CDKN2B-AS1: variants seen among roughly 807,000 people sequenced by gnomAD.
The protein encoded by CDKN2B-AS1 is CDKN2B and CDKN2A antisense cis and trans regulatory RNA 1.
intron 4 of CDKN2B-AS1, among the ~76,000 whole-genome samples, chr9:22,085,490 G>A (rs185420696): frequency 6.6e-6 from 1 of 152,262 alleles, no homozygotes; most frequent in South Asian, 2.1e-4. Flanking sequence ...GGAGGCTGAG[G>A]CGGGCGGATC....
chr9:22,043,890 C>T (rs1823001879), intron 1 of CDKN2B-AS1, among the ~76,000 whole-genome samples: 1 of 151,850 alleles, frequency 6.6e-6, no homozygotes. Context: ...ACATATCATG[C>T]TTTGGGAAAC....
chr9:22,018,994 T>A (rs897414399), intron 1 of CDKN2B-AS1, among the ~76,000 whole-genome samples: 13 of 152,166 alleles, frequency 8.5e-5, no homozygotes, highest in African/African-American at 3.1e-4. Context: ...TATAGAAAAT[T>A]AACTAATCAA....
chr9:22,004,157 A>G (rs973788207), intron 1 of CDKN2B-AS1: 5 of 232,374 alleles, frequency 2.2e-5, no homozygotes, highest in African/African-American at 1.1e-4. Flanking sequence ...TGTGTCAATA[A>G]ACATATCCTT....
Position 22,060,544 on chromosome 9 carries a change from C to T in CDKN2B-AS1, n.438+4157C>T, listed in dbSNP as rs1235498781. On this transcript the variant is annotated intron_variant and non_coding_transcript_variant, in intron 4 of 4. Coordinates refer to ENST00000650946, the Ensembl canonical transcript of CDKN2B-AS1. ...AAGCATTCCCACATTTTCCTTTCTT[C>T]TTCTGAGCCTTTCAAACTGTTCCAG... is the stretch of plus-strand genomic sequence containing the variant. Among the ~76,000 whole-genome samples the T allele has an allele frequency of 5.9e-5, 9 of 152,326 alleles. No homozygotes were observed. In the East Asian group the frequency reaches 1.5e-3, roughly 26 times the overall value.
intron 4 of CDKN2B-AS1, chr9:22,064,129 C>T (rs1211305350): frequency 6.6e-6 from 1 of 152,110 alleles, no homozygotes; most frequent in Non-Finnish European, 1.5e-5. Flanking sequence ...GGATTGCCCA[C>T]TAAGACACTG....
At position 22,000,562 on chromosome 9, in the gene CDKN2B-AS1, G is replaced by A. The variant is rs535042400; in HGVS notation, n.29+5401G>A. Among the ~76,000 whole-genome samples, 16 of 152,202 alleles carry A rather than the reference G, an allele frequency of 1.1e-4. 1 individual carries two copies. The highest frequency in any genetic ancestry group is 3.6e-4 in the African/African-American group (15 of 41,570). On this transcript the variant is annotated intron_variant and non_coding_transcript_variant, in intron 1 of 4. Transcript: ENST00000650946. The surrounding 1 kb of genome is among the most constrained non-coding windows in gnomAD (Gnocchi z 4.1). ...GGTGCCTCTGTGCCCTAGGAAAGGT[G>A]ATAGAGCTTAGAAACTCAGAACTCA...
chr9:22,126,346 G>A (rs1818022908), intron 4 of CDKN2B-AS1, among the ~76,000 whole-genome samples: 1 of 152,110 alleles, frequency 6.6e-6, no homozygotes, highest in African/African-American at 2.4e-5. Flanking sequence ...TATCATAGGT[G>A]AGAAAATAAT....
chr9:22,020,291 T>A (rs1237698511), intron 1 of CDKN2B-AS1, among the ~76,000 whole-genome samples: 1 of 152,232 alleles, frequency 6.6e-6, no homozygotes, highest in Non-Finnish European at 1.5e-5. Context: ...GGCATTTATG[T>A]TGATTCAATT....
intron 1 of CDKN2B-AS1, among the ~76,000 whole-genome samples, chr9:22,024,563 C>T (rs1822152189): frequency 6.6e-6 from 1 of 152,152 alleles, no homozygotes; most frequent in African/African-American, 2.4e-5. Context: ...TGGGAGGATC[C>T]TCTGTTCTCC....
intron 4 of CDKN2B-AS1, among the ~76,000 whole-genome samples, chr9:22,067,760 G>C (rs1469660314): frequency 6.6e-6 from 1 of 152,132 alleles, no homozygotes; most frequent in African/African-American, 2.4e-5. Flanking sequence ...AGCCTAAAGT[G>C]TTTTCATAAA....
At chr9:22,069,713 T>G (rs1824210466) in intron 4 of CDKN2B-AS1, among the ~76,000 whole-genome samples, 1 of 152,198 alleles carries the variant, frequency 6.6e-6, no homozygotes, top group Non-Finnish European at 1.5e-5. Context: ...TATCAATACC[T>G]TACTGTTAAT....
At chr9:22,009,005 A>T (rs993646279) in intron 1 of CDKN2B-AS1, 2 of 1,611,188 alleles carry the variant, frequency 1.2e-6, no homozygotes, top group Non-Finnish European at 1.7e-6. Flanking sequence ...TTGGCCGTAA[A>T]CTTAACGACA....
At chr9:22,116,054 A>G (rs1825941446) in intron 4 of CDKN2B-AS1, among the ~76,000 whole-genome samples, 1 of 152,206 alleles carries the variant, frequency 6.6e-6, no homozygotes, top group South Asian at 2.1e-4. Flanking sequence ...TGTATGCTCA[A>G]CATTCTCTTA....
chr9:22,096,029 C>T (rs1004178909), intron 4 of CDKN2B-AS1, among the ~76,000 whole-genome samples: 10 of 152,014 alleles, frequency 6.6e-5, no homozygotes, highest in Admixed American at 2.6e-4. Flanking sequence ...GCTTCTCCCC[C>T]GTGGGTCAAA....
intron 1 of CDKN2B-AS1, among the ~76,000 whole-genome samples, chr9:22,045,754 C>T (rs2131272036): frequency 6.6e-6 from 1 of 152,152 alleles, no homozygotes; most frequent in African/African-American, 2.4e-5. Flanking sequence ...TATGTTTATA[C>T]ATATAGACTT....
chr9:22,079,221 C>T (rs1464623272), intron 4 of CDKN2B-AS1, among the ~76,000 whole-genome samples: 5 of 152,174 alleles, frequency 3.3e-5, no homozygotes, highest in East Asian at 1.9e-4. Context: ...CAGTGGCTCA[C>T]GCCTGTAATC....
At position 22,093,955 on chromosome 9, in the gene CDKN2B-AS1, G is replaced by C. The variant is rs190221493; in HGVS notation, n.439-33148G>C. 4.8e-4 allele frequency among the ~76,000 whole-genome samples: 70 copies of C among 144,670 alleles called. 15 individuals carry two copies. The highest frequency in any genetic ancestry group is 1.9e-3 in the African/African-American group (67 of 34,822). 94.9% of individuals were successfully genotyped at this position (144,670 alleles called of 152,430 possible). On this transcript the variant is annotated intron_variant and non_coding_transcript_variant, in intron 4 of 4. Transcript: ENST00000650946. ...TGGCATGTTTTTGCAGTGGCTGGTAGTGGTTGTTCCTTTCCATGTTTAGTG... is the reference window on the plus strand; with the variant it reads ...TGGCATGTTTTTGCAGTGGCTGGTACTGGTTGTTCCTTTCCATGTTTAGTG...
intron 1 of CDKN2B-AS1, among the ~76,000 whole-genome samples, chr9:22,021,728 C>T (rs1255527648): frequency 6.6e-6 from 1 of 152,110 alleles, no homozygotes; most frequent in Non-Finnish European, 1.5e-5. Context: ...AAGATCATGT[C>T]ACCTGCAAAG....
At chr9:22,069,206 G>A (rs1587487770) in intron 4 of CDKN2B-AS1, among the ~76,000 whole-genome samples, 2 of 152,096 alleles carry the variant, frequency 1.3e-5, no homozygotes, top group East Asian at 1.9e-4. Context: ...CCTAAGTAAA[G>A]TTTTGCGCCT....
Sources: gnomAD v4.1 joint callset for allele counts (sites outside exome capture counted in the v4.1 genomes callset) on GRCh38, gnomAD v4.1.1 for gene constraint, Gnocchi (gnomAD v3.1) non-coding constraint, MANE v1.5 for transcripts, NCBI Gene and HGNC (gene_info 2026-07-23, HGNC 2026-07-21) for gene names.